Variants in GRID1 observed in about 807,000 individuals in gnomAD.
GRID1 encodes the protein glutamate receptor ionotropic, delta-1.
In GRID1, 28 loss-of-function variants were observed where a neutral mutation model predicts 98.0. The observed-to-expected ratio is 0.29, with a 90% CI of 0.21 to 0.39. The LOEUF (loss-of-function observed/expected upper bound fraction) is 0.39, where lower values mean the gene tolerates loss of function less well. Among genes scored for constraint, GRID1 ranks in the 10% least tolerant of loss-of-function variants. GRID1 has a pLI of 1.00. For synonymous variants in GRID1, 553 were observed against 538.5 expected (o/e 1.03, Z -0.37); for missense variants, 1,111 against 1,340.5 (o/e 0.83, Z 2.67).
At chr10:86,328,202 C>T (rs6586004) in intron 2 of GRID1, among the ~76,000 whole-genome samples, 120,957 of 152,128 alleles carry the variant, frequency 0.8, 48,992 homozygotes, top group Non-Finnish European at 0.87. Context: ...AGCAAAACTC[C>T]TTATTCTGTT....
rs187878696 is a variant in GRID1, at chr10:86,155,428, G to T, written c.521-16404C>A. 4.9e-3 allele frequency among the ~76,000 whole-genome samples: 740 copies of T among 152,340 alleles called. 1 individual carries two copies. Among genetic ancestry groups the T allele is most frequent in the Non-Finnish European group, 8.0e-3 (544 of 68,044 alleles). ...AACTGAAAGGGCAGATTCAGATTCT[G>T]AGTCAGAGTTTTCATTGCAATTATA... On this transcript the variant is annotated intron_variant, in intron 3 of 15. Transcript: ENST00000327946.
At chr10:86,345,797 A>G (rs938679757) in intron 2 of GRID1, among the ~76,000 whole-genome samples, 1 of 151,716 alleles carries the variant, frequency 6.6e-6, no homozygotes, top group Non-Finnish European at 1.5e-5. Flanking sequence ...TGCCTGTACC[A>G]GAGGGAAGCC....
intron 2 of GRID1, among the ~76,000 whole-genome samples, chr10:86,326,473 G>T (rs1054893802): frequency 1.3e-5 from 2 of 152,204 alleles, no homozygotes; most frequent in Non-Finnish European, 2.9e-5. Flanking sequence ...GGGTAAAACG[G>T]TCTGAACCAC....
At chr10:85,606,135 G>C (rs1051873151) in intron 15 of GRID1, 7 of 152,178 alleles carry the variant, frequency 4.6e-5, no homozygotes, top group African/African-American at 1.7e-4. Flanking sequence ...GAAAGAGCTT[G>C]ACTAAGTTTA....
chr10:86,154,014 GCCAT>G (rs765839755), intron 3 of GRID1, among the ~76,000 whole-genome samples: 13 of 152,202 alleles, frequency 8.5e-5, no homozygotes, highest in Non-Finnish European at 1.8e-4. Context: ...GGACGGTGGA[GCCAT>G]CCATCACAGG....
intron 3 of GRID1, among the ~76,000 whole-genome samples, chr10:86,187,724 TGAG>T (rs1391146877): frequency 6.6e-6 from 1 of 152,240 alleles, no homozygotes; most frequent in African/African-American, 2.4e-5. Flanking sequence ...CAGGCTGAGC[TGAG>T]CCCAGAGCTG....
At chr10:85,912,940 A>T (rs1353831764) in intron 5 of GRID1, among the ~76,000 whole-genome samples, 1 of 152,234 alleles carries the variant, frequency 6.6e-6, no homozygotes, top group African/African-American at 2.4e-5. Flanking sequence ...ATATCACATT[A>T]TAATAAGAAT....
intron 8 of GRID1, among the ~76,000 whole-genome samples, chr10:85,830,103 A>G (rs888984730): frequency 6.6e-6 from 1 of 152,218 alleles, no homozygotes; most frequent in Non-Finnish European, 1.5e-5. Flanking sequence ...ACTCAAACAA[A>G]AAGAGACACA....
intron 4 of GRID1, among the ~76,000 whole-genome samples, chr10:86,063,700 T>C (rs1843679784): frequency 6.6e-6 from 1 of 152,200 alleles, no homozygotes; most frequent in African/African-American, 2.4e-5. Context: ...TATACTGTGA[T>C]GTGAAAAGTC....
At chr10:86,298,792 G>A (rs1847634296) in intron 2 of GRID1, among the ~76,000 whole-genome samples, 1 of 152,202 alleles carries the variant, frequency 6.6e-6, no homozygotes, top group African/African-American at 2.4e-5. Context: ...TTCCTTGAGG[G>A]CAGTGGTTCT....
intron 8 of GRID1, among the ~76,000 whole-genome samples, chr10:85,834,173 A>G: frequency 6.6e-6 from 1 of 152,226 alleles, no homozygotes; most frequent in East Asian, 1.9e-4. Context: ...AATCCATGTC[A>G]AGACATATCA....
intron 8 of GRID1, among the ~76,000 whole-genome samples, chr10:85,770,526 C>T (rs984645615): frequency 2.6e-5 from 4 of 152,186 alleles, no homozygotes; most frequent in Admixed American, 6.5e-5. Flanking sequence ...CAAACTACTC[C>T]TAGCTACAGG....
In GRID1 at chr10:86,255,912, AC is replaced by A. The variant is rs369945198; in HGVS notation, c.236-49265del. Among the ~76,000 whole-genome samples, 404 of 151,952 alleles carry A rather than the reference AC, an allele frequency of 2.7e-3. 2 individuals are homozygous for A. The highest frequency in any genetic ancestry group is 8.1e-3 in the African/African-American group (337 of 41,432). On this transcript the variant is annotated intron_variant, in intron 2 of 15. Coordinates refer to ENST00000327946, the MANE Select transcript of GRID1 (RefSeq NM_017551.3). Reference sequence around the variant, plus strand: ...CTGCCCTGTCTTCTGAAGCTGCCGCACCCCCAACCACTACACGGCCTCCCCC... The same window carrying A: ...CTGCCCTGTCTTCTGAAGCTGCCGCACCCCAACCACTACACGGCCTCCCCC...
chr10:85,769,535 G>A lies in GRID1; in HGVS notation c.1234-39921C>T, dbSNP rs186538815. ...AGCAGGGCGAGGCATTGCCTCACTC[G>A]GAAGTGCAAGGGGTCAGGGAGTTCC... On this transcript the variant is annotated intron_variant, in intron 8 of 15. Transcript: ENST00000327946. Among the ~76,000 whole-genome samples the A allele has an allele frequency of 3.6e-3, 543 of 152,336 alleles. 5 individuals are homozygous for A. Among genetic ancestry groups the A allele is most frequent in the Middle Eastern group, 0.017 (5 of 292 alleles).
At chr10:85,775,906 T>C (rs1006821188) in intron 8 of GRID1, among the ~76,000 whole-genome samples, 1 of 152,134 alleles carries the variant, frequency 6.6e-6, no homozygotes, top group Non-Finnish European at 1.5e-5. Flanking sequence ...TATATAATAG[T>C]TTTGTTCAAA....
chr10:86,140,175 T>C (rs1272856103), intron 3 of GRID1, among the ~76,000 whole-genome samples: 3 of 152,182 alleles, frequency 2.0e-5, no homozygotes, highest in African/African-American at 7.2e-5. Flanking sequence ...TGGATGTTTC[T>C]TGTGTCTGGC....
chr10:85,615,221 C>T (rs1053834957), intron 14 of GRID1, among the ~76,000 whole-genome samples: 6 of 152,204 alleles, frequency 3.9e-5, no homozygotes, highest in African/African-American at 1.4e-4. Context: ...GGGTCCAGTA[C>T]AGCATGGCCT....
At chr10:85,946,520 CT>C (rs1162118946) in intron 4 of GRID1, among the ~76,000 whole-genome samples, 1 of 152,190 alleles carries the variant, frequency 6.6e-6, no homozygotes, top group East Asian at 1.9e-4. Flanking sequence ...AATCACTGCT[CT>C]AAATAATTTA....
chr10:85,965,138 CA>C (rs1301505707), intron 4 of GRID1, among the ~76,000 whole-genome samples: 4 of 152,202 alleles, frequency 2.6e-5, no homozygotes, highest in Admixed American at 1.3e-4. Context: ...CAGGAAACAA[CA>C]GGTGCTGGAG....
Sources: allele counts gnomAD v4.1 joint callset (sites outside exome capture counted in the v4.1 genomes callset), GRCh38; gene constraint gnomAD v4.1.1; transcripts MANE v1.5; gene names NCBI Gene and HGNC (gene_info 2026-07-23, HGNC 2026-07-21).